The following CNTNAP5 variants were observed in gnomAD, a reference collection of about 807,000 sequenced individuals.
CNTNAP5 encodes the protein contactin-associated protein-like 5.
Under a neutral mutation model 150.2 loss-of-function variants are expected in CNTNAP5, and 72 were observed. The observed-to-expected ratio is 0.48, with a 90% CI of 0.40 to 0.58. CNTNAP5 has a LOEUF of 0.58. CNTNAP5 is among the 20% of genes least tolerant of loss of function. The pLI, the probability that CNTNAP5 is intolerant of heterozygous loss-of-function variation, is 0.00. For synonymous variants in CNTNAP5, 672 were observed against 619.8 expected, an observed-to-expected ratio of 1.08 and a Z score of -1.25; for missense variants, 1,636 against 1,626.2, an observed-to-expected ratio of 1.01 and a Z score of -0.10.
chr2:124,801,375 C>T (rs1199681706), intron 19 of CNTNAP5, among the ~76,000 whole-genome samples: 1 of 152,108 alleles, frequency 6.6e-6, no homozygotes, highest in Admixed American at 6.5e-5. Context: ...AGCAATCTAA[C>T]TAGAAGGGAG....
chr2:124,566,632 G>C (rs184136906), intron 11 of CNTNAP5, among the ~76,000 whole-genome samples: 106 of 152,274 alleles, frequency 7.0e-4, no homozygotes, highest in African/African-American at 2.6e-3. Flanking sequence ...TTGCTTCTGG[G>C]CACTCAGCCA....
At chr2:124,349,875 T>TGGC (rs1573933127) in intron 3 of CNTNAP5, among the ~76,000 whole-genome samples, 3 of 8,494 alleles carry the variant, frequency 3.5e-4, no homozygotes, top group East Asian at 5.1e-3. Context: ...TGGCTATTTC[T>TGGC]TTTTTTTTTT....
chr2:124,562,045 A>G (rs888400412), intron 10 of CNTNAP5, among the ~76,000 whole-genome samples: 15 of 152,178 alleles, frequency 9.9e-5, no homozygotes, highest in African/African-American at 3.6e-4. Context: ...CAACCAGGTT[A>G]TCTCTTAATG....
intron 1 of CNTNAP5, among the ~76,000 whole-genome samples, chr2:124,133,565 C>T (rs1683910358): frequency 6.6e-6 from 1 of 152,204 alleles, no homozygotes; most frequent in African/African-American, 2.4e-5. Context: ...ATTCCACCCA[C>T]ATGTCTCCTC....
At chr2:124,667,720 C>G (rs1372551972) in intron 13 of CNTNAP5, among the ~76,000 whole-genome samples, 1 of 152,194 alleles carries the variant, frequency 6.6e-6, no homozygotes, top group African/African-American at 2.4e-5. Context: ...TAAGCAGTAG[C>G]CATTTTCCTG....
intron 14 of CNTNAP5, among the ~76,000 whole-genome samples, chr2:124,747,765 A>ACATGC (rs1680639576): frequency 7.0e-6 from 1 of 142,488 alleles, no homozygotes; most frequent in East Asian, 2.0e-4. Flanking sequence ...GAGCAAAAGC[A>ACATGC]CATGCCACCA....
intron 3 of CNTNAP5, among the ~76,000 whole-genome samples, chr2:124,409,749 A>G (rs1161018732): frequency 1.3e-5 from 2 of 151,224 alleles, no homozygotes; most frequent in Non-Finnish European, 3.0e-5. Context: ...GAAAGGAACA[A>G]CCGGTACCAG....
intron 10 of CNTNAP5, among the ~76,000 whole-genome samples, chr2:124,561,878 C>T (rs187173095): frequency 6.6e-6 from 1 of 152,208 alleles, no homozygotes; most frequent in African/African-American, 2.4e-5. Flanking sequence ...GTATTATATA[C>T]CACTTCTGTA....
Position 124,417,445 on chromosome 2 carries a change from C to T in CNTNAP5, c.384C>T (p.Thr128=), listed in dbSNP as rs771572008. The change falls in exon 4 of 24, where the codon ACC becomes ACT. Residue 128 remains threonine, a splice_region_variant and synonymous_variant. Coordinates refer to ENST00000682447, the MANE Select transcript of CNTNAP5 (RefSeq NM_001367498.1). ...KQYKQEDSIW[T]FAGNMNADSV... is the part of the protein sequence containing the mutation. ...TGCCTCTCCTTTCTTCTCTGCAGAC[C>T]TTTGCAGGAAACATGAATGCTGACA... 2.5e-6 allele frequency: 4 copies of T among 1,613,654 alleles called. No individual in the cohort carries two copies. In the South Asian group the frequency reaches 3.3e-5, roughly 13 times the overall value.
intron 1 of CNTNAP5, among the ~76,000 whole-genome samples, chr2:124,042,759 T>G (rs1054694026): frequency 6.6e-6 from 1 of 151,828 alleles, no homozygotes; most frequent in Admixed American, 6.6e-5. Context: ...GTAGACCCCC[T>G]CTTGCATAAG....
intron 3 of CNTNAP5, among the ~76,000 whole-genome samples, chr2:124,416,658 T>G (rs966331968): frequency 1.3e-5 from 2 of 152,190 alleles, no homozygotes; most frequent in African/African-American, 2.4e-5. Flanking sequence ...CTTCCCTTTT[T>G]CTCTTTCTAG....
intron 4 of CNTNAP5, among the ~76,000 whole-genome samples, chr2:124,430,910 G>C (rs1480750781): frequency 1.3e-5 from 2 of 152,104 alleles, no homozygotes; most frequent in Non-Finnish European, 2.9e-5. Flanking sequence ...AGGAAATGTG[G>C]GGATAAAATG....
chr2:124,381,199 A>T (rs1690786298), intron 3 of CNTNAP5, among the ~76,000 whole-genome samples: 1 of 152,166 alleles, frequency 6.6e-6, no homozygotes. Flanking sequence ...AGAATAGTGG[A>T]GTAAAGTAGC....
chr2:124,756,678 C>T (rs1331290926), intron 14 of CNTNAP5, among the ~76,000 whole-genome samples: 2 of 152,098 alleles, frequency 1.3e-5, no homozygotes, highest in Non-Finnish European at 2.9e-5. Flanking sequence ...AAACCAAATA[C>T]TGCATCTTCT....
At chr2:124,585,372 A>G (rs1558964825) in intron 11 of CNTNAP5, among the ~76,000 whole-genome samples, 1 of 152,220 alleles carries the variant, frequency 6.6e-6, no homozygotes, top group Non-Finnish European at 1.5e-5. Context: ...CTTGCATACT[A>G]TCCTGGCAAA....
chr2:124,432,579 T>G (rs1036901716), intron 4 of CNTNAP5, among the ~76,000 whole-genome samples: 1 of 152,196 alleles, frequency 6.6e-6, no homozygotes, highest in South Asian at 2.1e-4. Flanking sequence ...CACTCACTGC[T>G]GGGCACTACA....
At chr2:124,370,290 C>A (rs544149733) in intron 3 of CNTNAP5, among the ~76,000 whole-genome samples, 2 of 151,854 alleles carry the variant, frequency 1.3e-5, no homozygotes, top group African/African-American at 4.8e-5. Context: ...GAAGACAAAG[C>A]AGCAGGAAGA....
intron 1 of CNTNAP5, among the ~76,000 whole-genome samples, chr2:124,044,553 G>A (rs1445512939): frequency 1.3e-5 from 2 of 152,150 alleles, no homozygotes; most frequent in Non-Finnish European, 2.9e-5. Context: ...TTCAATTTCT[G>A]AATATAAACC....
At chr2:124,803,438 A>G (rs1573627805) in intron 19 of CNTNAP5, among the ~76,000 whole-genome samples, 1 of 152,204 alleles carries the variant, frequency 6.6e-6, no homozygotes, top group East Asian at 1.9e-4. Context: ...TTCTTCCATC[A>G]TCTTCTTTGT....
Sources: allele counts gnomAD v4.1 joint callset (sites outside exome capture counted in the v4.1 genomes callset), GRCh38; gene constraint gnomAD v4.1.1; transcripts MANE v1.5; gene names NCBI Gene and HGNC (gene_info 2026-07-23, HGNC 2026-07-21).